GRIN3A: variants seen among roughly 807,000 people sequenced by gnomAD.
The protein encoded by GRIN3A is glutamate receptor ionotropic, NMDA 3A.
A neutral mutation model predicts 92.4 loss-of-function variants in GRIN3A; 47 were observed. That is an observed-to-expected ratio of 0.51 (90% CI 0.40 to 0.65). The LOEUF (loss-of-function observed/expected upper bound fraction) is 0.65, where lower values mean the gene tolerates loss of function less well. Among genes scored for constraint, GRIN3A ranks in the 30% least tolerant of loss-of-function variants. The pLI is 0.00. For missense variants in GRIN3A, 1,324 were observed against 1,393.1 expected (o/e 0.95, Z 0.79); for synonymous variants, 527 against 540.6 (o/e 0.97, Z 0.35).
chr9:101,670,163 G>A lies in GRIN3A; in HGVS notation c.2249C>T (p.Ala750Val), dbSNP rs1829297622. The change falls in exon 3 of 9, where the codon GCC becomes GTC. Residue 750 changes from alanine (A) to valine (V), a missense_variant. Transcript: ENST00000361820. Reference sequence around the variant, plus strand: ...GGAAAGGCAAAACATACAGAAAATGGCCCAAAGGTTCATTAGAAACCTTCC... The same window carrying A: ...GGAAAGGCAAAACATACAGAAAATGACCCAAAGGTTCATTAGAAACCTTCC... ...WTGRFLMNLWAIFCMFCLSTY... is the reference protein window; with the variant it reads ...WTGRFLMNLWVIFCMFCLSTY... The A allele has an allele frequency of 6.2e-7, 1 of 1,613,596 alleles. No individual in the cohort carries two copies. Among genetic ancestry groups the A allele is most frequent in the Non-Finnish European group, 8.5e-7 (1 of 1,179,742 alleles).
chr9:101,726,436 T>C (rs1440334871), intron 1 of GRIN3A, among the ~76,000 whole-genome samples: 18 of 152,194 alleles, frequency 1.2e-4, no homozygotes, highest in Admixed American at 1.2e-3. Context: ...AAACACCTTC[T>C]GGTGGTACAG....
At chr9:101,619,000 G>C (rs770751050) in intron 5 of GRIN3A, among the ~76,000 whole-genome samples, 11 of 152,172 alleles carry the variant, frequency 7.2e-5, no homozygotes, top group Non-Finnish European at 1.6e-4. Flanking sequence ...ATTGGATACA[G>C]CTTAATGGCC....
At chr9:101,720,921 A>C (rs1296091675) in intron 1 of GRIN3A, among the ~76,000 whole-genome samples, 1 of 152,214 alleles carries the variant, frequency 6.6e-6, no homozygotes, top group East Asian at 1.9e-4. Flanking sequence ...GGGTGATGAA[A>C]TAATCTGTAC....
intron 3 of GRIN3A, among the ~76,000 whole-genome samples, chr9:101,633,339 A>T (rs1368727832): frequency 6.6e-6 from 1 of 152,212 alleles, no homozygotes; most frequent in African/African-American, 2.4e-5. Context: ...GGAATAGGAT[A>T]TAGTATGTAT....
chr9:101,710,667 A>T (rs1353253233), intron 1 of GRIN3A, among the ~76,000 whole-genome samples: 1 of 152,244 alleles, frequency 6.6e-6, no homozygotes, highest in East Asian at 1.9e-4. Flanking sequence ...GAGAAAAGTC[A>T]ACCTCTGGTG....
At chr9:101,600,349 C>A (rs1425256732) in intron 6 of GRIN3A, among the ~76,000 whole-genome samples, 5 of 152,152 alleles carry the variant, frequency 3.3e-5, no homozygotes. Context: ...TATTGAGGAT[C>A]TACTATGTGA....
At chr9:101,702,479 C>T (rs191852182) in intron 1 of GRIN3A, among the ~76,000 whole-genome samples, 11 of 152,240 alleles carry the variant, frequency 7.2e-5, no homozygotes, top group Non-Finnish European at 1.5e-4. Flanking sequence ...TGTTCACTCC[C>T]TCTTGAAATA....
intron 6 of GRIN3A, among the ~76,000 whole-genome samples, chr9:101,591,186 G>A (rs764682739): frequency 4.6e-5 from 7 of 152,156 alleles, no homozygotes; most frequent in Non-Finnish European, 7.3e-5. Context: ...GCCAAAGGTG[G>A]AACATGGCTT....
intron 3 of GRIN3A, among the ~76,000 whole-genome samples, chr9:101,655,030 T>G (rs1829066923): frequency 6.6e-6 from 1 of 151,956 alleles, no homozygotes; most frequent in African/African-American, 2.4e-5. Flanking sequence ...ATTTGTATAC[T>G]TAAAGTCATT....
chr9:101,728,333 G>C (rs956150768), intron 1 of GRIN3A, among the ~76,000 whole-genome samples: 1 of 152,150 alleles, frequency 6.6e-6, no homozygotes, highest in Non-Finnish European at 1.5e-5. Flanking sequence ...TGTTCAGTAA[G>C]TTCAGCTAAT....
At chr9:101,691,515 A>G (rs1829621174) in intron 1 of GRIN3A, among the ~76,000 whole-genome samples, 1 of 152,246 alleles carries the variant, frequency 6.6e-6, no homozygotes, top group South Asian at 2.1e-4. Context: ...TTTGAAAACA[A>G]TTGATCACTA....
intron 3 of GRIN3A, among the ~76,000 whole-genome samples, chr9:101,636,978 G>T (rs1828792915): frequency 6.6e-6 from 1 of 152,206 alleles, no homozygotes; most frequent in Non-Finnish European, 1.5e-5. Flanking sequence ...TTCCTTATGT[G>T]CCCTTGGGGG....
At chr9:101,608,928 C>T (rs776600606) in intron 6 of GRIN3A, among the ~76,000 whole-genome samples, 1 of 152,104 alleles carries the variant, frequency 6.6e-6, no homozygotes, top group Non-Finnish European at 1.5e-5. Context: ...ATCAAAATAC[C>T]TCATTGTGCA....
chr9:101,621,268 G>A (rs62577404), intron 5 of GRIN3A, among the ~76,000 whole-genome samples: 17,905 of 147,198 alleles, frequency 0.12, 1,896 homozygotes, highest in African/African-American at 0.3. Context: ...CTGGATGATA[G>A]AGTGAGACTC....
In GRIN3A at chr9:101,738,398, G is replaced by A. The variant is rs922159078; in HGVS notation, c.-419C>T. On this transcript the variant is annotated 5_prime_UTR_variant, in exon 1 of 9. Transcript: ENST00000361820. ...ACAGAGGAGCGACGCGCTCTCGCCT[G>A]GATTCTTTTCCTTTTCTGCCCAGGC... 5 of 239,736 alleles carry A rather than the reference G, an allele frequency of 2.1e-5. No individual in the cohort carries two copies. The highest frequency in any genetic ancestry group is 1.2e-4 in the African/African-American group (5 of 42,274). 14.9% of individuals were successfully genotyped at this position (239,736 alleles called of 1,614,324 possible).
chr9:101,655,481 A>G (rs577140679), intron 3 of GRIN3A, among the ~76,000 whole-genome samples: 2 of 151,980 alleles, frequency 1.3e-5, no homozygotes, highest in Non-Finnish European at 2.9e-5. Flanking sequence ...GTTCTTCTCA[A>G]ACTACACTCT....
Position 101,601,761 on chromosome 9 carries a change from G to A in GRIN3A, c.2766+11615C>T, listed in dbSNP as rs150791872. On this transcript the variant is annotated intron_variant, in intron 6 of 8. Coordinates refer to ENST00000361820, the MANE Select transcript of GRIN3A (RefSeq NM_133445.3). ...CATCATCACATGGTGCTCTCCCTGA[G>A]TGTCTGTCTTTGTGTGATAGATGGC... is the stretch of plus-strand genomic sequence containing the variant. Among the ~76,000 whole-genome samples, 30 of 152,224 alleles carry A rather than the reference G, an allele frequency of 2.0e-4. 1 individual carries two copies. The East Asian group carries it at 4.1e-3, about 21-fold the overall frequency.
intron 5 of GRIN3A, among the ~76,000 whole-genome samples, chr9:101,614,602 T>C (rs1828413601): frequency 6.7e-6 from 1 of 149,998 alleles, no homozygotes; most frequent in Non-Finnish European, 1.5e-5. Context: ...TGCATATATA[T>C]GTGATACTTT....
At chr9:101,700,495 C>G (rs1360408752) in intron 1 of GRIN3A, among the ~76,000 whole-genome samples, 10 of 152,144 alleles carry the variant, frequency 6.6e-5, no homozygotes, top group Non-Finnish European at 1.2e-4. Flanking sequence ...GTCTGAGGCA[C>G]TGGCTGGAAA....
Sources: gnomAD v4.1 joint callset for allele counts (sites outside exome capture counted in the v4.1 genomes callset) on GRCh38, gnomAD v4.1.1 for gene constraint, MANE v1.5 for transcripts, NCBI Gene and HGNC (gene_info 2026-07-23, HGNC 2026-07-21) for gene names.